DNAI4: variants seen among roughly 807,000 people sequenced by gnomAD.
DNAI4 encodes the protein WD repeat domain 78.
A neutral mutation model predicts 105.8 loss-of-function variants in DNAI4; 85 were observed. That is an observed-to-expected ratio of 0.80 (90% CI 0.67 to 0.96). DNAI4 has a LOEUF of 0.96. Ranked by LOEUF, DNAI4 falls within the 40% of genes least tolerant of loss-of-function variation. The pLI, the probability that DNAI4 is intolerant of heterozygous loss-of-function variation, is 0.00. For missense variants in DNAI4, 1,014 were observed against 1,005.6 expected (o/e 1.01, Z -0.11); for synonymous variants, 352 against 331.5 (o/e 1.06, Z -0.67).
In DNAI4 at chr1:66,827,353, T is replaced by C. The variant is rs112562145; in HGVS notation, c.2113-307A>G. ...AATGAAGAAAATGTGGCTGAAACAA[T>C]CATGACAAGATATATAGCCAGGTGC... On this transcript the variant is annotated intron_variant, in intron 14 of 16. Transcript: ENST00000371026. 6.5e-4 allele frequency among the ~76,000 whole-genome samples: 98 copies of C among 151,902 alleles called. No individual in the cohort carries two copies. In the Middle Eastern group the frequency reaches 0.014, roughly 21 times the overall value.
chr1:66,841,850 T>A (rs1646155978), intron 8 of DNAI4, among the ~76,000 whole-genome samples: 1 of 152,194 alleles, frequency 6.6e-6, no homozygotes, highest in African/African-American at 2.4e-5. Context: ...AGTTTTACAT[T>A]TTAAATTTTA....
chr1:66,921,254 G>A (rs1024951265), intron 1 of DNAI4: 5 of 152,176 alleles, frequency 3.3e-5, no homozygotes, highest in African/African-American at 7.2e-5. Flanking sequence ...AGGATGAAGA[G>A]GTGAACAATC....
intron 5 of DNAI4, 114 bp from the exon 6 acceptor site, chr1:66,871,623 A>G (rs1646848557): frequency 9.2e-7 from 1 of 1,087,704 alleles, no homozygotes; most frequent in Non-Finnish European, 1.3e-6. Flanking sequence ...TTGCACCAAA[A>G]AGTGAAGTGA....
At chr1:66,849,503 A>T (rs1275909446) in intron 7 of DNAI4, among the ~76,000 whole-genome samples, 1 of 152,206 alleles carries the variant, frequency 6.6e-6, no homozygotes, top group African/African-American at 2.4e-5. Context: ...CCAGGTTTCA[A>T]TTGAAAGTCA....
chr1:66,917,158 G>A (rs1650127997), intron 1 of DNAI4, among the ~76,000 whole-genome samples: 1 of 152,122 alleles, frequency 6.6e-6, no homozygotes, highest in Admixed American at 6.5e-5. Context: ...TTTTCTTTGG[G>A]CTATATTTGT....
chr1:66,837,117 G>A (rs1172557782), intron 10 of DNAI4, among the ~76,000 whole-genome samples: 1 of 152,098 alleles, frequency 6.6e-6, no homozygotes, highest in East Asian at 1.9e-4. Context: ...CGTAATCCCA[G>A]CACTTTGGGA....
chr1:66,893,029 AGAGAG>A lies in DNAI4; in HGVS notation c.530+195_530+199del, dbSNP rs1488874678. ...AGAGAGAGAGGAAAGAAAGAAAGAA[AGAGAG>A]GAAAGAAAGAAAGAAAGAAAGAGAG... On this transcript the variant is annotated intron_variant, in intron 3 of 16. Coordinates refer to ENST00000371026, the MANE Select transcript of DNAI4 (RefSeq NM_024763.5). 5.1e-3 allele frequency among the ~76,000 whole-genome samples: 648 copies of A among 127,974 alleles called. 17 individuals carry two copies. Among genetic ancestry groups the A allele is most frequent in the Middle Eastern group, 0.017 (4 of 230 alleles). 84.0% of individuals were successfully genotyped at this position (127,974 alleles called of 152,430 possible).
intron 1 of DNAI4, among the ~76,000 whole-genome samples, chr1:66,923,963 G>A (rs1048278658): frequency 6.6e-6 from 1 of 152,122 alleles, no homozygotes; most frequent in Admixed American, 6.5e-5. Flanking sequence ...AAAGTAAGAT[G>A]GTATTGACGA....
chr1:66,872,008 TG>T (rs1353868123), intron 5 of DNAI4, among the ~76,000 whole-genome samples: 2 of 152,136 alleles, frequency 1.3e-5, no homozygotes, highest in Non-Finnish European at 2.9e-5. Context: ...GCATGTGTGC[TG>T]AAAGAGAATG....
chr1:66,856,970 G>T (rs1646514854), intron 7 of DNAI4, among the ~76,000 whole-genome samples: 2 of 151,758 alleles, frequency 1.3e-5, no homozygotes, highest in Non-Finnish European at 2.9e-5. Context: ...CAGAAAAAAA[G>T]AAAAGTTTGA....
In DNAI4 at chr1:66,900,949, A is replaced by G. The variant is rs1048807930; in HGVS notation, c.345+4252T>C. Among the ~76,000 whole-genome samples the G allele has an allele frequency of 2.6e-5, 4 of 152,192 alleles. No individual in the cohort carries two copies. The South Asian group carries it at 8.3e-4, about 32-fold the overall frequency. Reference sequence around the variant, plus strand: ...GATAATGTTGAATAGCAATGCAAGGACTTGTCTTGTTCCTGATCATAAGGA... The same window carrying G: ...GATAATGTTGAATAGCAATGCAAGGGCTTGTCTTGTTCCTGATCATAAGGA... On this transcript the variant is annotated intron_variant, in intron 2 of 16. Transcript: ENST00000371026.
At chr1:66,815,328 T>C (rs1348909765) in intron 16 of DNAI4, among the ~76,000 whole-genome samples, 1 of 152,202 alleles carries the variant, frequency 6.6e-6, no homozygotes, top group Non-Finnish European at 1.5e-5. Flanking sequence ...CTTGTTGAAA[T>C]TTGTTCAATG....
At position 66,890,170 on chromosome 1, in the gene DNAI4, C is replaced by G. The variant is rs909139377; in HGVS notation, c.643+984G>C. On this transcript the variant is annotated intron_variant, in intron 4 of 16. Coordinates refer to ENST00000371026, the MANE Select transcript of DNAI4 (RefSeq NM_024763.5). The surrounding 1 kb of genome is among the most constrained non-coding windows in gnomAD (Gnocchi z 4.1). ...ATAATTACAAAAAATTAGCCAGGCA[C>G]GGTGGTACATGCCTGTATTCCCAGG... 1 of 151,768 alleles carries G rather than the reference C, an allele frequency of 6.6e-6. No homozygotes were observed. The highest frequency in any genetic ancestry group is 1.5e-5 in the Non-Finnish European group (1 of 67,988). The allele number at this position is 151,768 out of a possible 1,614,324, so 9.4% of individuals were successfully genotyped here.
intron 10 of DNAI4, among the ~76,000 whole-genome samples, chr1:66,836,140 AAAAGAAAGAAAGAAAGAAAGAAAG>A (rs1165479234): frequency 1.0e-5 from 1 of 96,008 alleles, no homozygotes; most frequent in African/African-American, 4.4e-5. Flanking sequence ...AGAAAGAAAG[AAAAGAAAGAAAGAAAGAAAGAAAG>A]AAAGAAAGAA....
At chr1:66,904,395 C>G (rs921747616) in intron 2 of DNAI4, among the ~76,000 whole-genome samples, 1 of 152,052 alleles carries the variant, frequency 6.6e-6, no homozygotes, top group African/African-American at 2.4e-5. Context: ...TAATTTTAGC[C>G]ATTCTAATAG....
In DNAI4 at chr1:66,924,655, A is replaced by T; in HGVS notation, c.170+7T>A. ...GATGGACTACGGTTTTTAGCGCCGG[A>T]ACTTACAACCCGAAGTTCTGCTGCT... On this transcript the variant is annotated splice_region_variant and intron_variant, in intron 1 of 16. Transcript: ENST00000371026. 1 of 1,614,224 alleles carries T rather than the reference A, an allele frequency of 6.2e-7. No homozygotes were observed. The highest frequency in any genetic ancestry group is 8.5e-7 in the Non-Finnish European group (1 of 1,180,040).
intron 8 of DNAI4, among the ~76,000 whole-genome samples, chr1:66,845,194 A>AAT (rs1252252791): frequency 3.1e-5 from 1 of 32,230 alleles, no homozygotes; most frequent in Non-Finnish European, 9.4e-5. Context: ...CCATCTCAAA[A>AAT]AAAAAAAAAA....
At chr1:66,852,594 G>A (rs997031674) in intron 7 of DNAI4, among the ~76,000 whole-genome samples, 5 of 151,688 alleles carry the variant, frequency 3.3e-5, no homozygotes, top group South Asian at 2.1e-4. Flanking sequence ...TAATCCATAC[G>A]TTTAGGCCAA....
intron 4 of DNAI4, among the ~76,000 whole-genome samples, chr1:66,876,077 A>T (rs553242283): frequency 1.2e-4 from 19 of 152,150 alleles, no homozygotes; most frequent in Middle Eastern, 3.4e-3. Context: ...TTTTAAAAAT[A>T]TTCTTTAATT....
Sources: gnomAD v4.1 joint callset for allele counts (sites outside exome capture counted in the v4.1 genomes callset) on GRCh38, gnomAD v4.1.1 for gene constraint, Gnocchi (gnomAD v3.1) non-coding constraint, MANE v1.5 for transcripts, NCBI Gene and HGNC (gene_info 2026-07-23, HGNC 2026-07-21) for gene names.